Variants in GPM6B observed in about 807,000 individuals in gnomAD.
The protein encoded by GPM6B is glycoprotein M6B, also known as neuronal membrane glycoprotein M6-b.
GPM6B carries 4 observed loss-of-function variants against 27.2 expected under a neutral mutation model. The ratio of observed to expected loss-of-function variants is 0.15; its 90% CI spans 0.07 to 0.34. The LOEUF (loss-of-function observed/expected upper bound fraction) is 0.34. Ranked by LOEUF, GPM6B falls within the 10% of genes least tolerant of loss-of-function variation. The pLI, the probability that GPM6B is intolerant of heterozygous loss-of-function variation, is 1.00. For synonymous variants in GPM6B, 124 were observed against 103.1 expected, an observed-to-expected ratio of 1.20 and a Z score of -1.23; for missense variants, 183 against 261.9, an observed-to-expected ratio of 0.70 and a Z score of 2.08.
At chrX:13,927,901 C>G (rs1330848853) in intron 1 of GPM6B, among the ~76,000 whole-genome samples, 1 of 111,891 alleles carries the variant, frequency 8.9e-6, no homozygotes, top group Non-Finnish European at 1.9e-5. Context: ...TTTCAAAGTC[C>G]TTCTCACAGC....
At chrX:13,785,575 A>G in intron 3 of GPM6B, 47 bp downstream of exon 3, 2 of 1,135,159 alleles carry the variant, frequency 1.8e-6, no homozygotes, top group Non-Finnish European at 2.4e-6. Flanking sequence ...GGCATGAGCC[A>G]CCACGCCAGG....
At chrX:13,820,603 G>T (rs1169342442), upstream of GPM6B, among the ~76,000 whole-genome samples, 1 of 110,679 alleles carries the variant, frequency 9.0e-6, no homozygotes, top group African/African-American at 3.3e-5. Flanking sequence ...CTTCTCAGGG[G>T]ACTCTCCCTG....
At chrX:13,876,149 C>A (rs1047410029) in intron 1 of GPM6B, among the ~76,000 whole-genome samples, 2 of 112,163 alleles carry the variant, frequency 1.8e-5, no homozygotes, top group South Asian at 7.4e-4. Flanking sequence ...TCAATTGTCA[C>A]AGAGATGAGA....
chrX:13,871,650 A>G (rs748776154), intron 1 of GPM6B, among the ~76,000 whole-genome samples: 5 of 112,051 alleles, frequency 4.5e-5, no homozygotes, highest in Non-Finnish European at 5.6e-5. Flanking sequence ...TGCATGTTAA[A>G]GTTTGAGAAG....
intron 4 of GPM6B, among the ~76,000 whole-genome samples, chrX:13,781,699 T>C (rs1358713791): frequency 1.8e-5 from 2 of 111,778 alleles, no homozygotes; most frequent in Admixed American, 1.9e-4. Context: ...TGCTTCGAGT[T>C]GTCCCCACCT....
chrX:13,810,592 T>C (rs2049111787), intron 1 of GPM6B, among the ~76,000 whole-genome samples: 1 of 110,615 alleles, frequency 9.0e-6, no homozygotes, highest in Admixed American at 9.6e-5. Context: ...TCTGTGCTCA[T>C]CTCCTCATAT....
At chrX:13,829,684 C>T (rs905351882) in intron 1 of GPM6B, among the ~76,000 whole-genome samples, 4 of 110,294 alleles carry the variant, frequency 3.6e-5, no homozygotes, top group Non-Finnish European at 7.6e-5. Flanking sequence ...GGATGTGAGA[C>T]CTGAGATTGA....
intron 1 of GPM6B, among the ~76,000 whole-genome samples, chrX:13,813,801 T>C (rs962244056): frequency 8.9e-6 from 1 of 112,377 alleles, no homozygotes; most frequent in Non-Finnish European, 1.9e-5. Flanking sequence ...TTATTCCATG[T>C]CAGTGAATCT....
At chrX:13,860,438 G>GA (rs1555922613) in intron 1 of GPM6B, among the ~76,000 whole-genome samples, 1 of 86,319 alleles carries the variant, frequency 1.2e-5, no homozygotes, top group Non-Finnish European at 2.3e-5. Context: ...AAAACGTGGG[G>GA]TTTTTTTTTT....
chrX:13,833,242 A>C (rs1255218393), intron 1 of GPM6B, among the ~76,000 whole-genome samples: 2 of 111,714 alleles, frequency 1.8e-5, no homozygotes, highest in African/African-American at 6.5e-5. Flanking sequence ...TACATTCATA[A>C]TTTCTACATC....
Position 13,799,190 on chromosome X carries a change from A to ATTT in GPM6B, c.181+8457_181+8459dup, listed in dbSNP as rs763194245. On this transcript the variant is annotated intron_variant, in intron 2 of 7. Transcript: ENST00000316715. ...CTAGAAACCTCGATTAGCCAACCTA[A>ATTT]TTTTTTTTTTTTTTTTTTTTTTTTT... is the stretch of plus-strand genomic sequence containing the variant. 7.2e-4 allele frequency among the ~76,000 whole-genome samples: 26 copies of ATTT among 35,969 alleles called. 2 individuals carry two copies. Among genetic ancestry groups the ATTT allele is most frequent in the African/African-American group, 9.6e-4 (8 of 8,337 alleles). 31.2% of individuals were successfully genotyped at this position (35,969 alleles called of 115,157 possible).
intron 1 of GPM6B, among the ~76,000 whole-genome samples, chrX:13,851,525 C>A (rs1309654805): frequency 9.0e-6 from 1 of 110,996 alleles, no homozygotes; most frequent in Non-Finnish European, 1.9e-5. Flanking sequence ...GCCTTGCTTA[C>A]GGTCCTATAT....
chrX:13,868,143 G>A (rs1212349542), intron 1 of GPM6B, among the ~76,000 whole-genome samples: 2 of 110,831 alleles, frequency 1.8e-5, no homozygotes, highest in Non-Finnish European at 3.8e-5. Flanking sequence ...TTCAAGCTGG[G>A]GAAAGAATTT....
intron 1 of GPM6B, among the ~76,000 whole-genome samples, chrX:13,859,336 T>C (rs1415958115): frequency 8.9e-6 from 1 of 112,188 alleles, no homozygotes; most frequent in African/African-American, 3.2e-5. Context: ...CACAGTATGT[T>C]TGTGTTTCTA....
chrX:13,799,405 T>A (rs7057328), intron 2 of GPM6B, among the ~76,000 whole-genome samples: 29,491 of 101,975 alleles, frequency 0.29, 3,613 homozygotes, highest in Non-Finnish European at 0.36. Flanking sequence ...TATTATTATT[T>A]TTTTTTTAGT....
At chrX:13,842,335 T>G (rs2049587448) in intron 1 of GPM6B, among the ~76,000 whole-genome samples, 1 of 112,290 alleles carries the variant, frequency 8.9e-6, no homozygotes, top group Non-Finnish European at 1.9e-5. Flanking sequence ...AAGAAACTGT[T>G]AAGTAAACAT....
chrX:13,866,086 G>A (rs956727023), intron 1 of GPM6B, among the ~76,000 whole-genome samples: 24 of 111,683 alleles, frequency 2.1e-4, no homozygotes, highest in Middle Eastern at 4.6e-3. Flanking sequence ...AGGTCAAGCC[G>A]GGCGCAGTGG....
At chrX:13,839,425 G>T (rs964185993) in intron 1 of GPM6B, among the ~76,000 whole-genome samples, 15 of 111,775 alleles carry the variant, frequency 1.3e-4, no homozygotes, top group Non-Finnish European at 7.5e-5. Context: ...AGGACCTCTT[G>T]AGACTGTGCC....
intron 1 of GPM6B, among the ~76,000 whole-genome samples, chrX:13,822,949 T>C (rs936199343): frequency 1.8e-5 from 2 of 112,317 alleles, no homozygotes; most frequent in Admixed American, 9.4e-5. Context: ...ACTGTCTACA[T>C]TTGGGTCCTT....
Sources: gnomAD v4.1 joint callset for allele counts (sites outside exome capture counted in the v4.1 genomes callset) on GRCh38, gnomAD v4.1.1 for gene constraint, MANE v1.5 for transcripts, NCBI Gene and HGNC (gene_info 2026-07-23, HGNC 2026-07-21) for gene names.